PDK3: variants seen among roughly 807,000 people sequenced by gnomAD.
PDK3 encodes pyruvate dehydrogenase kinase, isozyme 3.
Under a neutral mutation model 32.0 loss-of-function variants are expected in PDK3, and 12 were observed. The ratio of observed to expected loss-of-function variants is 0.37; its 90% CI spans 0.24 to 0.61. The LOEUF (loss-of-function observed/expected upper bound fraction) is 0.61, where lower values mean the gene tolerates loss of function less well. Ranked by LOEUF, PDK3 falls within the 20% of genes least tolerant of loss-of-function variation. The probability of loss-of-function intolerance (pLI) is 0.65; values close to 1 mark genes in which losing one functional copy is unlikely to be tolerated. For synonymous variants in PDK3, 122 were observed against 116.3 expected, an observed-to-expected ratio of 1.05 and a Z score of -0.31; for missense variants, 188 against 316.9, an observed-to-expected ratio of 0.59 and a Z score of 3.09.
chrX:24,488,902 G>A (rs890678311), intron 1 of PDK3, among the ~76,000 whole-genome samples: 4 of 111,803 alleles, frequency 3.6e-5, no homozygotes, highest in African/African-American at 1.3e-4. Context: ...ATTTGAATAA[G>A]ATGAAGTATA....
intron 9 of PDK3, among the ~76,000 whole-genome samples, chrX:24,531,049 T>TTG (rs760426568): frequency 0.18 from 18,006 of 97,828 alleles, 1,525 homozygotes; most frequent in Middle Eastern, 0.26. Flanking sequence ...GAATGTGCTT[T>TTG]TGTGTGTGTG....
chrX:24,498,956 G>A, intron 3 of PDK3, 56 bp downstream of exon 3: 1 of 746,508 alleles, frequency 1.3e-6, no homozygotes, highest in Non-Finnish European at 1.9e-6. Flanking sequence ...AAAGATTTTG[G>A]TAAATGTAAT....
At position 24,465,332 on chromosome X, in the gene PDK3, G is replaced by T. The variant is rs1363024923; in HGVS notation, c.-124G>T. 25 of 412,710 alleles carry T rather than the reference G, an allele frequency of 6.1e-5. No individual in the cohort carries two copies. Among genetic ancestry groups the T allele is most frequent in the Middle Eastern group, 1.5e-3 (2 of 1,372 alleles). 34.0% of individuals were successfully genotyped at this position (412,710 alleles called of 1,213,427 possible). On this transcript the variant is annotated 5_prime_UTR_variant, in exon 1 of 11. Coordinates refer to ENST00000379162, the MANE Select transcript of PDK3 (RefSeq NM_005391.5). The stretch of plus-strand genomic sequence containing the variant: ...CTGCTGCGGCGGCTGCACCGGCGGC[G>T]CCGAGGCCGAGATCGAGGCCGGGGT...
chrX:24,483,917 T>C (rs1331070120), intron 1 of PDK3, among the ~76,000 whole-genome samples: 2 of 111,660 alleles, frequency 1.8e-5, no homozygotes, highest in Non-Finnish European at 3.8e-5. Context: ...TTTCACCATA[T>C]GGCCCAGGCT....
At chrX:24,475,264 A>G (rs1434223339) in intron 1 of PDK3, among the ~76,000 whole-genome samples, 1 of 110,512 alleles carries the variant, frequency 9.0e-6, no homozygotes, top group Non-Finnish European at 1.9e-5. Context: ...GTTTGGAGAA[A>G]GGGATCAACT....
chrX:24,465,584 C>G (rs1271993154), intron 1 of PDK3, 23 bp downstream of exon 1: 2 of 1,093,688 alleles, frequency 1.8e-6, no homozygotes, highest in African/African-American at 3.6e-5. Flanking sequence ...CCAAGGGTCC[C>G]CATGGGCCCG....
chrX:24,540,843 T>TAAA (rs199895709), exon 12 of PDK3, among the ~76,000 whole-genome samples: 1 of 70,748 alleles, frequency 1.4e-5, no homozygotes, highest in African/African-American at 5.6e-5. Flanking sequence ...ATAAAAGATG[T>TAAA]AAAAAAAAAA....
intron 1 of PDK3, among the ~76,000 whole-genome samples, chrX:24,491,203 A>T (rs932075016): frequency 2.8e-5 from 3 of 105,295 alleles, no homozygotes; most frequent in Non-Finnish European, 5.8e-5. Flanking sequence ...AATCCCAGCT[A>T]CTCCAGAGGC....
At chrX:24,539,247 T>C (rs1479144946), downstream of PDK3, 2 of 622,673 alleles carry the variant, frequency 3.2e-6, no homozygotes, top group Non-Finnish European at 5.1e-6. Flanking sequence ...TCCCACCTGC[T>C]CTGAGCGTGG....
intron 2 of PDK3, among the ~76,000 whole-genome samples, chrX:24,496,325 G>A (rs905337337): frequency 1.3e-4 from 12 of 90,710 alleles, no homozygotes; most frequent in East Asian, 3.1e-4. Context: ...ACACACGTGC[G>A]TGCACACATA....
intron 1 of PDK3, among the ~76,000 whole-genome samples, chrX:24,476,030 A>G (rs1045043014): frequency 8.9e-6 from 1 of 111,749 alleles, no homozygotes; most frequent in Non-Finnish European, 1.9e-5. Context: ...ATCTGAAAAT[A>G]TCACTGCTTT....
rs745598103 is a variant in PDK3, at chrX:24,477,938, A to G, written c.106+12377A>G. ...GATTTTAACTAAATATCACATTTTAACTTTGTAATTTATGTTGAAATTTGG... is the reference window on the plus strand; with the variant it reads ...GATTTTAACTAAATATCACATTTTAGCTTTGTAATTTATGTTGAAATTTGG... On this transcript the variant is annotated intron_variant, in intron 1 of 10. Transcript: ENST00000379162. Among the ~76,000 whole-genome samples, 5 of 112,250 alleles carry G rather than the reference A, an allele frequency of 4.5e-5. No homozygotes were observed. In the South Asian group the frequency reaches 1.8e-3, roughly 41 times the overall value.
intron 7 of PDK3, among the ~76,000 whole-genome samples, chrX:24,526,802 C>G (rs1327975046): frequency 9.0e-6 from 1 of 111,342 alleles, no homozygotes; most frequent in Admixed American, 9.6e-5. Flanking sequence ...CCCCTCCCCC[C>G]CACCAAATTC....
exon 12 of PDK3, chrX:24,550,099 C>T (rs977021963): frequency 2.7e-5 from 3 of 111,847 alleles, no homozygotes; most frequent in East Asian, 2.8e-4. Context: ...TGACCTGGTT[C>T]GCTTTGTGCC....
At chrX:24,528,895 G>A (rs1391122801) in intron 9 of PDK3, among the ~76,000 whole-genome samples, 1 of 112,190 alleles carries the variant, frequency 8.9e-6, no homozygotes, top group Non-Finnish European at 1.9e-5. Flanking sequence ...ATTAAACACA[G>A]CAACATATCT....
chrX:24,493,536 C>A (rs943125979), intron 1 of PDK3, among the ~76,000 whole-genome samples: 8 of 111,140 alleles, frequency 7.2e-5, no homozygotes, highest in African/African-American at 2.0e-4. Flanking sequence ...TCTCTCTGGG[C>A]CTGGCCATGA....
intron 9 of PDK3, among the ~76,000 whole-genome samples, chrX:24,528,983 A>G (rs1451850465): frequency 2.7e-5 from 3 of 112,863 alleles, no homozygotes; most frequent in African/African-American, 6.4e-5. Context: ...ACATAAGATT[A>G]TATTTTATTT....
At position 24,507,392 on chromosome X, in the gene PDK3, A is replaced by G. The variant is rs148573366; in HGVS notation, c.595+2094A>G. ...AAATATTCCATTGTATGAATATAAC[A>G]CATTTTATTTTTCTCTTCATGTTAG... is the stretch of plus-strand genomic sequence containing the variant. On this transcript the variant is annotated intron_variant, in intron 5 of 10. Coordinates refer to ENST00000379162, the MANE Select transcript of PDK3 (RefSeq NM_005391.5). Among the ~76,000 whole-genome samples, 129 of 112,306 alleles carry G rather than the reference A, an allele frequency of 1.1e-3. 1 individual carries two copies. The highest frequency in any genetic ancestry group is 4.1e-3 in the African/African-American group (127 of 30,993).
intron 1 of PDK3, among the ~76,000 whole-genome samples, chrX:24,477,510 T>A (rs751976696): frequency 1.8e-5 from 2 of 111,774 alleles, no homozygotes; most frequent in Non-Finnish European, 3.8e-5. Flanking sequence ...AATTCATCTG[T>A]TTTTTTGTGA....
Sources: gnomAD v4.1 joint callset for allele counts (sites outside exome capture counted in the v4.1 genomes callset) on GRCh38, gnomAD v4.1.1 for gene constraint, MANE v1.5 for transcripts, NCBI Gene and HGNC (gene_info 2026-07-23, HGNC 2026-07-21) for gene names.